BTBD9: variants seen among roughly 807,000 people sequenced by gnomAD.
BTBD9 encodes the protein BTB domain containing 9.
BTBD9 carries 49 observed loss-of-function variants against 64.3 expected under a neutral mutation model. The ratio of observed to expected loss-of-function variants is 0.76; its 90% confidence interval spans 0.61 to 0.97. The LOEUF is 0.97. BTBD9 is among the 50% of genes least tolerant of loss of function. The probability of loss-of-function intolerance (pLI) is 0.00; values close to 1 mark genes in which losing one functional copy is unlikely to be tolerated. For synonymous variants in BTBD9, 260 were observed against 274.7 expected (o/e 0.95, Z 0.53); for missense variants, 598 against 762.1 (o/e 0.78, Z 2.53).
chr6:38,480,726 G>A (rs1424847829), intron 6 of BTBD9, among the ~76,000 whole-genome samples: 1 of 152,182 alleles, frequency 6.6e-6, no homozygotes, highest in Non-Finnish European at 1.5e-5. Flanking sequence ...CTGACAACTT[G>A]CCTGTCTTAT....
At chr6:38,179,661 G>T (rs1208300711) in intron 10 of BTBD9, 2 of 456,788 alleles carry the variant, frequency 4.4e-6, no homozygotes, top group Admixed American at 4.7e-5. Flanking sequence ...TCTGCAAATG[G>T]CGAGTGGCAG....
In BTBD9 at chr6:38,498,457, T is replaced by TAAAAA. The variant is rs11393821; in HGVS notation, c.1154+79138_1154+79142dup. 4.5e-5 allele frequency among the ~76,000 whole-genome samples: 6 copies of TAAAAA among 132,620 alleles called. 1 individual carries two copies. Among genetic ancestry groups the TAAAAA allele is most frequent in the Admixed American group, 7.6e-5 (1 of 13,200 alleles). The allele number at this position is 132,620 out of a possible 152,430, so 87.0% of individuals were successfully genotyped here. A position where few individuals can be genotyped will look rare whatever the true frequency, so the allele number is the denominator to read the frequency against. ...GGTTCTATCTTTTTCTATCTAGTAC[T>TAAAAA]AAAAAAAAAAAAAAAAAACAAGGCA... is the stretch of plus-strand genomic sequence containing the variant. On this transcript the variant is annotated intron_variant, in intron 6 of 10. Coordinates refer to ENST00000481247, the MANE Select transcript of BTBD9 (RefSeq NM_001099272.2).
At chr6:38,250,161 G>GT (rs918844870) in intron 9 of BTBD9, among the ~76,000 whole-genome samples, 122 of 152,206 alleles carry the variant, frequency 8.0e-4, no homozygotes, top group African/African-American at 2.8e-3. Flanking sequence ...AGGGAAAGGG[G>GT]TTTTTTTAAA....
intron 6 of BTBD9, among the ~76,000 whole-genome samples, chr6:38,419,614 T>C (rs190090195): frequency 9.2e-5 from 14 of 152,318 alleles, no homozygotes; most frequent in African/African-American, 7.2e-5. Flanking sequence ...CTCATGCCTG[T>C]AATCCCAGCA....
intron 9 of BTBD9, among the ~76,000 whole-genome samples, chr6:38,205,878 T>C (rs1380745423): frequency 1.3e-4 from 1 of 7,812 alleles, no homozygotes; most frequent in Non-Finnish European, 2.6e-4. Context: ...GGAGTCTGTC[T>C]CAAAAAAAAA....
intron 6 of BTBD9, among the ~76,000 whole-genome samples, chr6:38,533,196 G>A (rs1773873202): frequency 6.6e-6 from 1 of 151,920 alleles, no homozygotes; most frequent in Non-Finnish European, 1.5e-5. Flanking sequence ...GATACACATA[G>A]ACTGAAAATA....
At chr6:38,319,174 C>T (rs932082064) in intron 7 of BTBD9, among the ~76,000 whole-genome samples, 2 of 152,028 alleles carry the variant, frequency 1.3e-5, no homozygotes, top group Non-Finnish European at 2.9e-5. Context: ...CCCCTCTGGA[C>T]TAGAGTAGGT....
intron 9 of BTBD9, among the ~76,000 whole-genome samples, chr6:38,214,333 C>T (rs1374623639): frequency 4.6e-5 from 7 of 152,262 alleles, no homozygotes. Flanking sequence ...TGGCATTATG[C>T]CAGTGCCAGA....
chr6:38,387,875 G>A (rs532050578), intron 6 of BTBD9, among the ~76,000 whole-genome samples: 2 of 151,730 alleles, frequency 1.3e-5, no homozygotes, highest in South Asian at 2.1e-4. Flanking sequence ...AAAGAGGCCT[G>A]AAAACCAAGA....
intron 6 of BTBD9, among the ~76,000 whole-genome samples, chr6:38,355,913 T>C (rs1764708786): frequency 6.6e-6 from 1 of 152,212 alleles, no homozygotes; most frequent in Non-Finnish European, 1.5e-5. Flanking sequence ...AGACGTGGTC[T>C]GAACATTATC....
At chr6:38,361,880 AC>A (rs1463063295) in intron 6 of BTBD9, among the ~76,000 whole-genome samples, 12 of 151,758 alleles carry the variant, frequency 7.9e-5, no homozygotes, top group African/African-American at 2.7e-4. Flanking sequence ...AAAAAAAAAA[AC>A]AAAAACAACT....
intron 6 of BTBD9, among the ~76,000 whole-genome samples, chr6:38,391,082 T>C (rs1434269651): frequency 6.6e-6 from 1 of 152,228 alleles, no homozygotes; most frequent in Non-Finnish European, 1.5e-5. Flanking sequence ...CTTCACGTCT[T>C]ACTCATTCAT....
At chr6:38,475,845 CTG>C (rs1394689599) in intron 6 of BTBD9, among the ~76,000 whole-genome samples, 1 of 152,090 alleles carries the variant, frequency 6.6e-6, no homozygotes, top group Non-Finnish European at 1.5e-5. Flanking sequence ...GAAATGAACA[CTG>C]AGTTCTAAAG....
At chr6:38,175,556 CTGGTGGTG>C (rs1214799953) in intron 10 of BTBD9, among the ~76,000 whole-genome samples, 1 of 151,412 alleles carries the variant, frequency 6.6e-6, no homozygotes, top group Non-Finnish European at 1.5e-5. Context: ...CAGGAGTTGA[CTGGTGGTG>C]GTGGTGGTGG....
chr6:38,539,665 G>A (rs956989873), intron 6 of BTBD9, among the ~76,000 whole-genome samples: 32 of 152,018 alleles, frequency 2.1e-4, no homozygotes, highest in Non-Finnish European at 3.2e-4. Context: ...TATGAAAAAC[G>A]ACCTATGTTC....
intron 8 of BTBD9, among the ~76,000 whole-genome samples, chr6:38,269,873 C>A (rs912744996): frequency 2.0e-5 from 3 of 152,192 alleles, no homozygotes; most frequent in African/African-American, 7.2e-5. Flanking sequence ...TGAATATTCA[C>A]CAGAGTGTAC....
At chr6:38,186,080 T>C (rs1220626514) in intron 10 of BTBD9, among the ~76,000 whole-genome samples, 8 of 152,208 alleles carry the variant, frequency 5.3e-5, no homozygotes, top group Non-Finnish European at 1.2e-4. Flanking sequence ...AGGGTGAATG[T>C]GTGCATATGC....
intron 1 of BTBD9, among the ~76,000 whole-genome samples, chr6:38,617,709 G>A (rs1349576712): frequency 6.6e-6 from 1 of 152,144 alleles, no homozygotes; most frequent in Non-Finnish European, 1.5e-5. Flanking sequence ...TGAGAAGTGA[G>A]GACAAAAGAC....
At chr6:38,412,881 C>T (rs1439452766) in intron 6 of BTBD9, among the ~76,000 whole-genome samples, 1 of 151,728 alleles carries the variant, frequency 6.6e-6, no homozygotes, top group Admixed American at 6.6e-5. Flanking sequence ...ACAACAACAA[C>T]AACAAAACAG....
Sources: allele counts gnomAD v4.1 joint callset (sites outside exome capture counted in the v4.1 genomes callset), GRCh38; gene constraint gnomAD v4.1.1; transcripts MANE v1.5; gene names NCBI Gene and HGNC (gene_info 2026-07-23, HGNC 2026-07-21).